GRIN2A: variants seen among roughly 807,000 people sequenced by gnomAD.
GRIN2A encodes the protein glutamate ionotropic receptor NMDA type subunit 2A, also known as glutamate receptor ionotropic, NMDA 2A.
In GRIN2A, 22 loss-of-function variants were observed where a neutral mutation model predicts 113.4. That is an observed-to-expected ratio of 0.19 (90% CI 0.14 to 0.28). GRIN2A has a LOEUF of 0.28. GRIN2A is among the 10% of genes least tolerant of loss of function. The probability of loss-of-function intolerance (pLI) is 1.00; values close to 1 mark genes in which losing one functional copy is unlikely to be tolerated. For synonymous variants in GRIN2A, 827 were observed against 738.4 expected, an observed-to-expected ratio of 1.12 and a Z score of -1.94; for missense variants, 1,502 against 1,887.0, an observed-to-expected ratio of 0.80 and a Z score of 3.78.
intron 4 of GRIN2A, among the ~76,000 whole-genome samples, chr16:9,889,555 G>A (rs115365604): frequency 0.011 from 1,634 of 151,766 alleles, 25 homozygotes; most frequent in African/African-American, 0.038. Context: ...TTAAATCATT[G>A]ACACTGAATT....
intron 2 of GRIN2A, among the ~76,000 whole-genome samples, chr16:9,979,785 C>CTATATATATACATA (rs2045853100): frequency 8.2e-6 from 1 of 122,348 alleles, no homozygotes; most frequent in Non-Finnish European, 1.7e-5. Flanking sequence ...GACTATGGGA[C>CTATATATATACATA]TATATATATA....
intron 2 of GRIN2A, among the ~76,000 whole-genome samples, chr16:9,978,645 C>T (rs1419250624): frequency 6.6e-6 from 1 of 152,176 alleles, no homozygotes; most frequent in Non-Finnish European, 1.5e-5. Context: ...CTCAAGTTCA[C>T]TATGAAAATG....
At chr16:10,172,673 G>A (rs1338595811) in intron 2 of GRIN2A, among the ~76,000 whole-genome samples, 8 of 152,206 alleles carry the variant, frequency 5.3e-5, no homozygotes, top group South Asian at 2.1e-4. Context: ...AGGGGGAATC[G>A]GGGCCAGTAT....
intron 3 of GRIN2A, among the ~76,000 whole-genome samples, chr16:9,900,094 C>A (rs1267270224): frequency 6.6e-6 from 1 of 152,204 alleles, no homozygotes; most frequent in Non-Finnish European, 1.5e-5. Flanking sequence ...TTATGGGTGT[C>A]TGCTAAACTA....
intron 2 of GRIN2A, among the ~76,000 whole-genome samples, chr16:10,177,997 A>G (rs952738264): frequency 6.6e-6 from 1 of 152,144 alleles, no homozygotes; most frequent in Non-Finnish European, 1.5e-5. Flanking sequence ...ACCTTTTCCA[A>G]TTCAGCTTTT....
intron 3 of GRIN2A, among the ~76,000 whole-genome samples, chr16:9,899,688 T>A (rs1428791720): frequency 1.3e-5 from 2 of 152,118 alleles, no homozygotes; most frequent in African/African-American, 4.8e-5. Context: ...AATAGAAATC[T>A]TCTTAAGGGC....
chr16:10,039,580 G>T (rs528121198), intron 2 of GRIN2A, among the ~76,000 whole-genome samples: 11 of 151,976 alleles, frequency 7.2e-5, no homozygotes, highest in Non-Finnish European at 1.5e-4. Flanking sequence ...GGGCAGCGAG[G>T]ACTGCGCAGC....
intron 2 of GRIN2A, chr16:10,112,709 G>T: frequency 1.3e-6 from 1 of 744,526 alleles, no homozygotes; most frequent in Non-Finnish European, 2.5e-6. Context: ...AGGGTGTCTC[G>T]GCCTCCATCC....
At chr16:10,015,272 G>GAAAAAAAAAAAAAA (rs1189929832) in intron 2 of GRIN2A, among the ~76,000 whole-genome samples, 2 of 76,058 alleles carry the variant, frequency 2.6e-5, no homozygotes, top group Non-Finnish European at 4.8e-5. Context: ...AAAAAAAAAA[G>GAAAAAAAAAAAAAA]AAAAAAAAAA....
intron 4 of GRIN2A, among the ~76,000 whole-genome samples, chr16:9,867,387 T>C (rs1444501606): frequency 6.6e-6 from 1 of 152,202 alleles, no homozygotes; most frequent in Admixed American, 6.5e-5. Context: ...TCCCAGCTGA[T>C]GAATCTGCCT....
intron 2 of GRIN2A, among the ~76,000 whole-genome samples, chr16:9,969,452 TC>T (rs1373591910): frequency 6.6e-6 from 1 of 152,214 alleles, no homozygotes; most frequent in Non-Finnish European, 1.5e-5. Flanking sequence ...GGACATTTTA[TC>T]CATCCTTCAT....
intron 2 of GRIN2A, among the ~76,000 whole-genome samples, chr16:10,151,380 T>A (rs750733326): frequency 6.6e-6 from 1 of 151,976 alleles, no homozygotes; most frequent in Non-Finnish European, 1.5e-5. Flanking sequence ...GGTGGGGAGG[T>A]GCATTCTAGA....
At chr16:9,963,385 T>C (rs568389098) in intron 2 of GRIN2A, among the ~76,000 whole-genome samples, 1 of 152,138 alleles carries the variant, frequency 6.6e-6, no homozygotes, top group East Asian at 2.0e-4. Context: ...ATCTATATTT[T>C]AAGCCCCGCA....
chr16:9,995,980 A>G (rs1460660533), intron 2 of GRIN2A, among the ~76,000 whole-genome samples: 1 of 146,218 alleles, frequency 6.8e-6, no homozygotes, highest in Non-Finnish European at 1.5e-5. Flanking sequence ...AGATCAAGGA[A>G]GAAAAGGAAT....
chr16:10,049,204 G>A (rs1007252120), intron 2 of GRIN2A, among the ~76,000 whole-genome samples: 1 of 151,966 alleles, frequency 6.6e-6, no homozygotes, highest in African/African-American at 2.4e-5. Context: ...TTTTATGGAT[G>A]GTGAGATGAC....
chr16:9,823,189 T>A (rs1355054982), intron 9 of GRIN2A, among the ~76,000 whole-genome samples: 1 of 148,952 alleles, frequency 6.7e-6, no homozygotes, highest in East Asian at 1.9e-4. Context: ...ACAGCTTCGA[T>A]GTTTCAGGTG....
At chr16:9,783,757 C>T (rs1902060766) in intron 11 of GRIN2A, among the ~76,000 whole-genome samples, 2 of 152,160 alleles carry the variant, frequency 1.3e-5, no homozygotes, top group Admixed American at 1.3e-4. Flanking sequence ...TCAACGTCTG[C>T]CAATCACAGG....
At chr16:10,012,355 TATTAATGC>T (rs2046522407) in intron 2 of GRIN2A, among the ~76,000 whole-genome samples, 1 of 152,216 alleles carries the variant, frequency 6.6e-6, no homozygotes, top group Non-Finnish European at 1.5e-5. Context: ...CAAAGGGTTG[TATTAATGC>T]ATTTAACCCT....
intron 2 of GRIN2A, among the ~76,000 whole-genome samples, chr16:10,125,994 G>C (rs1033896923): frequency 2.6e-5 from 4 of 152,024 alleles, no homozygotes; most frequent in Non-Finnish European, 5.9e-5. Context: ...AGGAGCCCCA[G>C]ACTCCTTCCT....
Sources: gnomAD v4.1 joint callset for allele counts (sites outside exome capture counted in the v4.1 genomes callset) on GRCh38, gnomAD v4.1.1 for gene constraint, MANE v1.5 for transcripts, NCBI Gene and HGNC (gene_info 2026-07-23, HGNC 2026-07-21) for gene names.